The following RFX4 variants were observed in gnomAD, a reference collection of about 807,000 sequenced individuals.
RFX4 encodes the protein transcription factor RFX4.
Under a neutral mutation model 95.0 loss-of-function variants are expected in RFX4, and 10 were observed. The ratio of observed to expected loss-of-function variants is 0.11; its 90% CI spans 0.06 to 0.18. The LOEUF is 0.18. Ranked by LOEUF, RFX4 falls within the 10% of genes least tolerant of loss-of-function variation. RFX4 has a pLI of 1.00. For synonymous variants in RFX4, 321 were observed against 340.7 expected (o/e 0.94, Z 0.64); for missense variants, 640 against 922.0 (o/e 0.69, Z 3.96).
rs558306345 is a variant in RFX4 at position 106,713,995 on chromosome 12, G to A, written c.994-1405G>A. On this transcript the variant is annotated intron_variant, in intron 10 of 17. Transcript: ENST00000392842. Reference sequence around the variant, plus strand: ...TGAGGCAGGAGAATCACTTGAACCCGGGAGGCAGAGGTTACAGTGAGCCAA... The same window carrying A: ...TGAGGCAGGAGAATCACTTGAACCCAGGAGGCAGAGGTTACAGTGAGCCAA... Among the ~76,000 whole-genome samples, 30 of 146,192 alleles carry A rather than the reference G, an allele frequency of 2.1e-4. No homozygotes were observed. The South Asian group carries it at 2.7e-3, about 13-fold the overall frequency.
intron 15 of RFX4, among the ~76,000 whole-genome samples, chr12:106,739,353 C>T (rs2042766722): frequency 6.6e-6 from 1 of 152,078 alleles, no homozygotes; most frequent in Admixed American, 6.6e-5. Context: ...AAATAAATGT[C>T]CCACTTTGGA....
intron 2 of RFX4, among the ~76,000 whole-genome samples, chr12:106,615,845 G>T (rs2040060551): frequency 6.6e-6 from 1 of 152,120 alleles, no homozygotes; most frequent in Admixed American, 6.6e-5. Flanking sequence ...TGCTAAATGT[G>T]CTTATTAATT....
intron 2 of RFX4, among the ~76,000 whole-genome samples, chr12:106,626,742 G>C (rs1401617480): frequency 2.6e-5 from 4 of 152,156 alleles, no homozygotes; most frequent in Non-Finnish European, 4.4e-5. Flanking sequence ...TGGGTCCAAA[G>C]AGCAGGAACC....
intron 4 of RFX4, among the ~76,000 whole-genome samples, chr12:106,679,392 T>G (rs1592929306): frequency 6.6e-6 from 1 of 151,874 alleles, no homozygotes; most frequent in African/African-American, 2.4e-5. Flanking sequence ...GAGGTGGAGG[T>G]TGCAGTGAGC....
At chr12:106,632,616 C>G (rs1489021687) in intron 2 of RFX4, among the ~76,000 whole-genome samples, 1 of 152,222 alleles carries the variant, frequency 6.6e-6, no homozygotes, top group East Asian at 1.9e-4. Flanking sequence ...CATCCTGGAC[C>G]TGCATTTCAC....
intron 14 of RFX4, 135 bp from the exon 15 acceptor site, chr12:106,732,789 T>C (rs2042637804): frequency 1.3e-6 from 1 of 750,256 alleles, no homozygotes; most frequent in East Asian, 2.6e-5. Context: ...GTCATGATGG[T>C]GATGGGAAAC....
At position 106,720,317 on chromosome 12, in the gene RFX4, A is replaced by T. The variant is rs2042371734; in HGVS notation, c.1233+263A>T. On this transcript the variant is annotated intron_variant, in intron 12 of 17. Coordinates refer to ENST00000392842, the MANE Select transcript of RFX4 (RefSeq NM_213594.3). The surrounding 1 kb of genome is among the most constrained non-coding windows in gnomAD (Gnocchi z 4.2). The stretch of plus-strand genomic sequence containing the variant: ...TAAAGTTTTTTTGCTGCTACAAACA[A>T]AACAAAAACCATTGCTCCATAGCAT... 6.6e-6 allele frequency among the ~76,000 whole-genome samples: 1 copy of T among 152,256 alleles called. No homozygotes were observed. Among genetic ancestry groups the T allele is most frequent in the African/African-American group, 2.4e-5 (1 of 41,464 alleles).
At chr12:106,654,168 G>T in intron 3 of RFX4, 60 bp from the exon 4 acceptor site, 1 of 1,609,692 alleles carries the variant, frequency 6.2e-7, no homozygotes, top group South Asian at 1.1e-5. Flanking sequence ...AGAAAGAACA[G>T]ACCGTTCTTG....
chr12:106,716,119 AC>A (rs1345184746), intron 11 of RFX4, among the ~76,000 whole-genome samples: 4 of 152,138 alleles, frequency 2.6e-5, no homozygotes, highest in Non-Finnish European at 5.9e-5. Flanking sequence ...TGATCTTGGT[AC>A]TAAAGCAATA....
intron 8 of RFX4, among the ~76,000 whole-genome samples, chr12:106,703,290 C>G (rs999784311): frequency 1.3e-5 from 2 of 152,306 alleles, no homozygotes; most frequent in African/African-American, 4.8e-5. Context: ...AAGTGATGCT[C>G]TTTCCGGCTT....
chr12:106,641,630 C>T (rs2040624363), intron 3 of RFX4, among the ~76,000 whole-genome samples: 1 of 152,196 alleles, frequency 6.6e-6, no homozygotes, highest in African/African-American at 2.4e-5. Context: ...CTCCAAGTCA[C>T]AAGGTCAGAC....
intron 4 of RFX4, among the ~76,000 whole-genome samples, chr12:106,663,090 G>T (rs937466344): frequency 6.6e-6 from 1 of 152,036 alleles, no homozygotes; most frequent in Admixed American, 6.6e-5. Context: ...TTGATTGCCA[G>T]AAAATAACTT....
intron 3 of RFX4, among the ~76,000 whole-genome samples, chr12:106,640,253 G>A (rs2040592945): frequency 6.6e-6 from 1 of 152,206 alleles, no homozygotes; most frequent in South Asian, 2.1e-4. Context: ...CAGCCAATCA[G>A]TGGCAGAGGC....
At chr12:106,602,134 A>T (rs1488025981) in intron 1 of RFX4, among the ~76,000 whole-genome samples, 4 of 152,216 alleles carry the variant, frequency 2.6e-5, no homozygotes, top group Non-Finnish European at 5.9e-5. Context: ...TCAGCCATCA[A>T]CTAGCTTCTC....
chr12:106,608,325 C>T (rs1168547965), intron 1 of RFX4, among the ~76,000 whole-genome samples: 5 of 152,232 alleles, frequency 3.3e-5, no homozygotes, highest in African/African-American at 1.2e-4. Flanking sequence ...TCCCTGCCCT[C>T]TTTCAACCAG....
chr12:106,684,084 G>A (rs530389330), intron 5 of RFX4, among the ~76,000 whole-genome samples: 2 of 152,086 alleles, frequency 1.3e-5, no homozygotes, highest in African/African-American at 2.4e-5. Flanking sequence ...CTGGGGGGGT[G>A]GGCCAGGTGC....
At position 106,653,420 on chromosome 12, in the gene RFX4, G is replaced by A. The variant is rs557290446; in HGVS notation, c.192-808G>A. 6.6e-5 allele frequency among the ~76,000 whole-genome samples: 10 copies of A among 152,232 alleles called. No individual in the cohort carries two copies. The East Asian group carries it at 7.7e-4, about 12-fold the overall frequency. On this transcript the variant is annotated intron_variant, in intron 3 of 17. Coordinates refer to ENST00000392842, the MANE Select transcript of RFX4 (RefSeq NM_213594.3). The stretch of plus-strand genomic sequence containing the variant: ...GCGGATGCTTGTCACACGTTACCTC[G>A]TCTGATCATTATAACCACTTTAGGA...
intron 3 of RFX4, among the ~76,000 whole-genome samples, chr12:106,648,386 G>C (rs2040791230): frequency 6.6e-6 from 1 of 152,124 alleles, no homozygotes; most frequent in African/African-American, 2.4e-5. Flanking sequence ...AAGGAGCCAG[G>C]GGCCTTGGAT....
chr12:106,635,771 T>A (rs1203487042), intron 2 of RFX4, among the ~76,000 whole-genome samples: 1 of 152,224 alleles, frequency 6.6e-6, no homozygotes, highest in African/African-American at 2.4e-5. Flanking sequence ...CCTTCAGGTA[T>A]AAAGAACTCT....
Sources: gnomAD v4.1 joint callset for allele counts (sites outside exome capture counted in the v4.1 genomes callset) on GRCh38, gnomAD v4.1.1 for gene constraint, Gnocchi (gnomAD v3.1) non-coding constraint, MANE v1.5 for transcripts, NCBI Gene and HGNC (gene_info 2026-07-23, HGNC 2026-07-21) for gene names.